Variants in GABRG1 observed in about 807,000 individuals in gnomAD.
GABRG1 encodes the protein gamma-aminobutyric acid type A receptor subunit gamma1, also known as gamma-aminobutyric acid receptor subunit gamma-1.
A neutral mutation model predicts 49.8 loss-of-function variants in GABRG1; 49 were observed. That is an observed-to-expected ratio of 0.98 (90% CI 0.78 to 1.25). GABRG1 has a LOEUF of 1.25. Among genes scored for constraint, GABRG1 ranks in the 50% most tolerant of loss-of-function variants. GABRG1 has a pLI of 0.00. For synonymous variants in GABRG1, 232 were observed against 185.1 expected (o/e 1.25, Z -2.06); for missense variants, 552 against 552.3 (o/e 1.00, Z 0.01).
chr4:46,071,565 G>A (rs1376701373), intron 3 of GABRG1, among the ~76,000 whole-genome samples: 2 of 151,298 alleles, frequency 1.3e-5, no homozygotes, highest in Non-Finnish European at 2.9e-5. Flanking sequence ...TATTCCAGAC[G>A]ACGTATTGTT....
Position 46,056,139 on chromosome 4 carries a change from A to T in GABRG1, c.916+2078T>A, listed in dbSNP as rs1381231902. ...AAAAAGAAAGGAAAAAAAAAAAAAT[A>T]AATAAATAAATTAAAAAAAAAAAAA... is the stretch of plus-strand genomic sequence containing the variant. On this transcript the variant is annotated intron_variant, in intron 7 of 8. Coordinates refer to ENST00000295452, the MANE Select transcript of GABRG1 (RefSeq NM_173536.4). Among the ~76,000 whole-genome samples the T allele has an allele frequency of 1.6e-3, 34 of 21,362 alleles. 2 individuals carry two copies. In the African/African-American group the frequency reaches 0.017, roughly 11 times the overall value. 14.0% of individuals were successfully genotyped at this position (21,362 alleles called of 152,430 possible).
chr4:46,097,450 G>A (rs1050309710), intron 1 of GABRG1, 101 bp from the exon 2 acceptor site: 26 of 1,147,218 alleles, frequency 2.3e-5, no homozygotes, highest in Non-Finnish European at 3.2e-5. Context: ...AAGTAATAAT[G>A]GCAGACAAAA....
chr4:46,071,412 TAC>T (rs960553684), intron 3 of GABRG1, among the ~76,000 whole-genome samples: 2 of 149,052 alleles, frequency 1.3e-5, no homozygotes, highest in African/African-American at 2.4e-5. Flanking sequence ...TAAATGAAAA[TAC>T]ACACACATAT....
chr4:46,122,330 A>G (rs1721111076), intron 1 of GABRG1, among the ~76,000 whole-genome samples: 1 of 152,122 alleles, frequency 6.6e-6, no homozygotes, highest in East Asian at 1.9e-4. Flanking sequence ...AAAATGATAA[A>G]AGGTTGTTAT....
rs535993174 is a variant in GABRG1, at chr4:46,069,410, T to C, written c.322-3826A>G. ...CAATTAAATACCTTTAGTGGTAAAA[T>C]TTTATAGGTATCAGCTCCAGTTTGC... On this transcript the variant is annotated intron_variant, in intron 3 of 8. Coordinates refer to ENST00000295452, the MANE Select transcript of GABRG1 (RefSeq NM_173536.4). 7.2e-5 allele frequency among the ~76,000 whole-genome samples: 11 copies of C among 152,152 alleles called. No homozygotes were observed. In the South Asian group the frequency reaches 1.7e-3, roughly 23 times the overall value.
At chr4:46,088,918 C>T (rs1037628007) in intron 2 of GABRG1, among the ~76,000 whole-genome samples, 12 of 151,566 alleles carry the variant, frequency 7.9e-5, no homozygotes, top group Admixed American at 3.9e-4. Flanking sequence ...GTTTAGGCAG[C>T]AGACTTGGCA....
chr4:46,101,930 C>T (rs1274747565), intron 1 of GABRG1, among the ~76,000 whole-genome samples: 1 of 151,490 alleles, frequency 6.6e-6, no homozygotes, highest in Non-Finnish European at 1.5e-5. Context: ...ATAATGTATA[C>T]ACTCAACATT....
chr4:46,043,007 A>G (rs1020647304), intron 8 of GABRG1, among the ~76,000 whole-genome samples: 6 of 151,036 alleles, frequency 4.0e-5, no homozygotes, highest in Non-Finnish European at 7.4e-5. Context: ...AAAATCATGT[A>G]AAAAAAAAGA....
intron 2 of GABRG1, among the ~76,000 whole-genome samples, chr4:46,093,870 G>A (rs2109429411): frequency 6.6e-6 from 1 of 152,088 alleles, no homozygotes; most frequent in East Asian, 1.9e-4. Flanking sequence ...GTCAATCATT[G>A]TAGTCAGAGA....
At position 46,056,150 on chromosome 4, in the gene GABRG1, TTAA is replaced by T. The variant is rs1242892427; in HGVS notation, c.916+2064_916+2066del. ...AAAAAAAAAAAAATAAATAAATAAA[TTAA>T]AAAAAAAAAAAAAAAAAAAAAAAAA... is the stretch of plus-strand genomic sequence containing the variant. On this transcript the variant is annotated intron_variant, in intron 7 of 8. Transcript: ENST00000295452. Among the ~76,000 whole-genome samples the T allele has an allele frequency of 2.3e-3, 105 of 46,056 alleles. 13 individuals carry two copies. The highest frequency in any genetic ancestry group is 0.021 in the Middle Eastern group (1 of 48). The allele number at this position is 46,056 out of a possible 152,430, so 30.2% of individuals were successfully genotyped here.
intron 5 of GABRG1, among the ~76,000 whole-genome samples, chr4:46,062,417 T>C (rs1399937464): frequency 1.3e-5 from 2 of 152,224 alleles, no homozygotes; most frequent in South Asian, 2.1e-4. Context: ...GGTCAAATGG[T>C]ATTTCTAGTT....
At chr4:46,066,118 G>T (rs1283913675) in intron 3 of GABRG1, among the ~76,000 whole-genome samples, 7 of 151,982 alleles carry the variant, frequency 4.6e-5, no homozygotes, top group South Asian at 2.1e-4. Context: ...TTTATTTTTT[G>T]TGTGTGAATT....
chr4:46,049,054 G>T (rs1718114504), intron 8 of GABRG1, among the ~76,000 whole-genome samples: 2 of 151,690 alleles, frequency 1.3e-5, no homozygotes, highest in South Asian at 4.1e-4. Context: ...TTTTTTTAAA[G>T]GGAAAATGCT....
At chr4:46,064,613 A>G (rs2109408248) in intron 4 of GABRG1, 90 bp from the exon 5 acceptor site, 1 of 587,398 alleles carries the variant, frequency 1.7e-6, no homozygotes. Flanking sequence ...AGATTTTGTC[A>G]TATGATAATA....
At chr4:46,080,096 C>A (rs889712416) in intron 3 of GABRG1, among the ~76,000 whole-genome samples, 1 of 151,642 alleles carries the variant, frequency 6.6e-6, no homozygotes, top group Admixed American at 6.6e-5. Flanking sequence ...AGAATAATGT[C>A]GTTTTAGGCA....
At chr4:46,090,837 A>G (rs1050042217) in intron 2 of GABRG1, among the ~76,000 whole-genome samples, 2 of 151,902 alleles carry the variant, frequency 1.3e-5, no homozygotes, top group Non-Finnish European at 2.9e-5. Context: ...GTGACTGAAC[A>G]GAACAGAGCA....
intron 2 of GABRG1, among the ~76,000 whole-genome samples, chr4:46,085,151 T>G (rs773460567): frequency 4.6e-5 from 7 of 151,460 alleles, no homozygotes; most frequent in Non-Finnish European, 7.4e-5. Flanking sequence ...TTTCACATAT[T>G]CAAAGCTGAA....
chr4:46,078,411 A>G (rs1293846708), intron 3 of GABRG1, among the ~76,000 whole-genome samples: 1 of 151,986 alleles, frequency 6.6e-6, no homozygotes, highest in Non-Finnish European at 1.5e-5. Context: ...ATGTGTAGAA[A>G]CTATAGCTAA....
intron 5 of GABRG1, among the ~76,000 whole-genome samples, chr4:46,062,852 C>T (rs1027131110): frequency 3.9e-5 from 6 of 152,024 alleles, no homozygotes; most frequent in Admixed American, 2.0e-4. Context: ...ACAAAAATCA[C>T]AAGCATTCTT....
Sources: allele counts gnomAD v4.1 joint callset (sites outside exome capture counted in the v4.1 genomes callset), GRCh38; gene constraint gnomAD v4.1.1; transcripts MANE v1.5; gene names NCBI Gene and HGNC (gene_info 2026-07-23, HGNC 2026-07-21).